NTN1: variants seen among roughly 807,000 people sequenced by gnomAD.
NTN1 encodes netrin-1.
In NTN1, 11 loss-of-function variants were observed where a neutral mutation model predicts 54.2. The observed-to-expected ratio is 0.20, with a 90% CI of 0.13 to 0.34. The LOEUF (loss-of-function observed/expected upper bound fraction) is 0.34, where lower values mean the gene tolerates loss of function less well. Ranked by LOEUF, NTN1 falls within the 10% of genes least tolerant of loss-of-function variation. The pLI is 1.00. For synonymous variants in NTN1, 371 were observed against 382.0 expected (o/e 0.97, Z 0.33); for missense variants, 740 against 893.1 (o/e 0.83, Z 2.18).
At chr17:9,188,802 A>G (rs1186041276) in intron 5 of NTN1, among the ~76,000 whole-genome samples, 1 of 152,098 alleles carries the variant, frequency 6.6e-6, no homozygotes, top group Non-Finnish European at 1.5e-5. Flanking sequence ...TGCTCTTGGT[A>G]TAGGAGAAAG....
chr17:9,053,720 C>T (rs1479394701), intron 2 of NTN1, among the ~76,000 whole-genome samples: 9 of 152,198 alleles, frequency 5.9e-5, no homozygotes, highest in Admixed American at 2.0e-4. Flanking sequence ...CAGCCACCTT[C>T]GGCTTCTTGC....
At chr17:9,152,058 G>A (rs1300270957) in intron 2 of NTN1, among the ~76,000 whole-genome samples, 2 of 152,012 alleles carry the variant, frequency 1.3e-5, no homozygotes, top group Non-Finnish European at 2.9e-5. Context: ...GGCCCCCCGC[G>A]GGCCATGAGT....
chr17:9,067,440 C>T (rs897577735), intron 2 of NTN1, among the ~76,000 whole-genome samples: 5 of 152,078 alleles, frequency 3.3e-5, no homozygotes, highest in Non-Finnish European at 5.9e-5. Flanking sequence ...CCTCCTGTTA[C>T]AATAAGATAA....
intron 2 of NTN1, among the ~76,000 whole-genome samples, chr17:9,038,240 T>C (rs1411603169): frequency 4.3e-5 from 3 of 69,808 alleles, no homozygotes; most frequent in African/African-American, 6.7e-5. Flanking sequence ...TCTCTTTCTC[T>C]GTCTTCTCCT....
At chr17:9,102,461 A>G (rs923245670) in intron 2 of NTN1, among the ~76,000 whole-genome samples, 6 of 152,184 alleles carry the variant, frequency 3.9e-5, no homozygotes, top group South Asian at 4.1e-4. Context: ...CCATGATTCA[A>G]TTATCTCTAC....
At chr17:9,038,952 G>A (rs2091912700) in intron 2 of NTN1, among the ~76,000 whole-genome samples, 1 of 152,066 alleles carries the variant, frequency 6.6e-6, no homozygotes, top group Admixed American at 6.6e-5. Flanking sequence ...TGTGAGGTAA[G>A]GATATCCATT....
At chr17:9,070,555 G>GT (rs11420128) in intron 2 of NTN1, among the ~76,000 whole-genome samples, 6,964 of 152,054 alleles carry the variant, frequency 0.046, 545 homozygotes, top group African/African-American at 0.16. Context: ...GTCGGGTGCT[G>GT]TTGCCACTCA....
At chr17:9,098,415 G>C (rs1367045014) in intron 2 of NTN1, among the ~76,000 whole-genome samples, 1 of 152,220 alleles carries the variant, frequency 6.6e-6, no homozygotes, top group Non-Finnish European at 1.5e-5. Flanking sequence ...AGCTAAGAGG[G>C]GACAGGTGAA....
rs1475769890 is a variant in NTN1, at chr17:9,179,626, G to A, written c.1208-181G>A. On this transcript the variant is annotated intron_variant, in intron 3 of 6. Coordinates refer to ENST00000173229, the MANE Select transcript of NTN1 (RefSeq NM_004822.3). ...TTTGGTTTTTATTCTCCGTTTCCAG[G>A]TAGGTGGGTGGCCAGTGTCAGAGCT... Among the ~76,000 whole-genome samples the A allele has an allele frequency of 3.9e-5, 6 of 152,190 alleles. No individual in the cohort carries two copies. The South Asian group carries it at 1.2e-3, about 32-fold the overall frequency.
At chr17:9,148,053 G>A (rs1487720274) in intron 2 of NTN1, among the ~76,000 whole-genome samples, 2 of 152,156 alleles carry the variant, frequency 1.3e-5, no homozygotes, top group South Asian at 2.1e-4. Context: ...TGTGAAGTGG[G>A]GGCATGCTAA....
At chr17:9,057,467 T>G (rs1251379187) in intron 2 of NTN1, among the ~76,000 whole-genome samples, 1 of 152,090 alleles carries the variant, frequency 6.6e-6, no homozygotes, top group Non-Finnish European at 1.5e-5. Flanking sequence ...TCCCCGGGGT[T>G]TGCTTTCCAG....
chr17:9,104,726 T>G (rs981360808), intron 2 of NTN1, among the ~76,000 whole-genome samples: 1 of 152,184 alleles, frequency 6.6e-6, no homozygotes, highest in Admixed American at 6.5e-5. Context: ...GGTCTGGCCT[T>G]TTTTTGAACT....
intron 4 of NTN1, 83 bp from the exon 5 acceptor site, chr17:9,182,833 T>C (rs1454803771): frequency 2.2e-6 from 3 of 1,394,458 alleles, no homozygotes; most frequent in Non-Finnish European, 3.1e-6. Flanking sequence ...GAGTCTGTGC[T>C]GGGCTCATTC....
At chr17:9,184,291 A>G (rs904391781) in intron 5 of NTN1, among the ~76,000 whole-genome samples, 1 of 152,164 alleles carries the variant, frequency 6.6e-6, no homozygotes, top group Non-Finnish European at 1.5e-5. Context: ...GCCTTTAGGG[A>G]CTTTTGGTTG....
At chr17:9,205,800 G>A (rs1453052879) in intron 5 of NTN1, among the ~76,000 whole-genome samples, 1 of 152,246 alleles carries the variant, frequency 6.6e-6, no homozygotes, top group Admixed American at 6.5e-5. Flanking sequence ...GACTTTGGAT[G>A]CTGAACACTT....
At chr17:9,131,565 T>C (rs1486548941) in intron 2 of NTN1, among the ~76,000 whole-genome samples, 1 of 151,330 alleles carries the variant, frequency 6.6e-6, no homozygotes, top group East Asian at 1.9e-4. Context: ...GTTTCGGCCA[T>C]GGTATTCCCT....
intron 3 of NTN1, among the ~76,000 whole-genome samples, chr17:9,179,548 G>A (rs1392605384): frequency 3.3e-4 from 51 of 152,330 alleles, no homozygotes; most frequent in Non-Finnish European, 5.9e-5. Context: ...CTTCCAAAGG[G>A]CTTCTGCATT....
rs1200580587 is a variant in NTN1, at chr17:9,239,446, C to T, written c.1487-194C>T. On this transcript the variant is annotated intron_variant, in intron 6 of 6. Coordinates refer to ENST00000173229, the MANE Select transcript of NTN1 (RefSeq NM_004822.3). The surrounding 1 kb of genome is among the most constrained non-coding windows in gnomAD (Gnocchi z 5.2). Reference sequence around the variant, plus strand: ...GGTGGCACCCTCACAGCGTGGGAGGCAAGGCTTCTTGGCCCTGTTGTTAGC... The same window carrying T: ...GGTGGCACCCTCACAGCGTGGGAGGTAAGGCTTCTTGGCCCTGTTGTTAGC... Among the ~76,000 whole-genome samples the T allele has an allele frequency of 1.3e-5, 2 of 152,194 alleles. No individual in the cohort carries two copies. The highest frequency in any genetic ancestry group is 2.9e-5 in the Non-Finnish European group (2 of 68,034).
chr17:9,226,161 T>TTG (rs148213778), intron 6 of NTN1, among the ~76,000 whole-genome samples: 2 of 118,080 alleles, frequency 1.7e-5, no homozygotes, highest in East Asian at 2.5e-4. Flanking sequence ...GGATTTGGGG[T>TTG]CGGGGGGGGG....
Sources: allele counts gnomAD v4.1 joint callset (sites outside exome capture counted in the v4.1 genomes callset), GRCh38; gene constraint gnomAD v4.1.1; non-coding constraint Gnocchi (gnomAD v3.1); transcripts MANE v1.5; gene names NCBI Gene and HGNC (gene_info 2026-07-23, HGNC 2026-07-21).